Variants in RIMOC1 observed in about 807,000 individuals in gnomAD.
RIMOC1 encodes the protein RAB7A interacting MON1-CCZ1 complex subunit 1.
chr5:41,912,286 T>A, the RIMOC1 span: 1 of 697,976 alleles, frequency 1.4e-6, no homozygotes, highest in Non-Finnish European at 2.5e-6. Context: ...TCAAGGTAGA[T>A]TATAGACAAA....
the RIMOC1 span, chr5:41,904,369 T>G: frequency 3.7e-6 from 6 of 1,613,070 alleles, no homozygotes; most frequent in Non-Finnish European, 5.1e-6. Context: ...ATTGTGGCCA[T>G]GGCGGCCGCA....
At chr5:41,915,586 G>A in the RIMOC1 span, among the ~76,000 whole-genome samples, 13 of 152,192 alleles carry the variant, frequency 8.5e-5, no homozygotes, top group African/African-American at 2.9e-4. Context: ...CATAATCATG[G>A]CAGAAGGCAG....
the RIMOC1 span, chr5:41,916,959 C>T: frequency 7.0e-7 from 1 of 1,429,462 alleles, no homozygotes; most frequent in African/African-American, 1.4e-5. Context: ...TAGTTAATAA[C>T]TACGGTTTCT....
chr5:41,909,806 G>C, the RIMOC1 span: 25 of 1,592,398 alleles, frequency 1.6e-5, no homozygotes, highest in Non-Finnish European at 2.0e-5. Flanking sequence ...TTTTCCTGAA[G>C]ACTCTTCTTC....
At chr5:41,906,476 C>T in the RIMOC1 span, among the ~76,000 whole-genome samples, 1 of 152,142 alleles carries the variant, frequency 6.6e-6, no homozygotes, top group African/African-American at 2.4e-5. Context: ...CAAATCTTTA[C>T]ATTGAAAATA....
the RIMOC1 span, chr5:41,918,169 G>A: frequency 1.0e-6 from 1 of 985,744 alleles, no homozygotes; most frequent in East Asian, 1.1e-4. Flanking sequence ...TGATCTTTCT[G>A]ATACCTTGCT....
the RIMOC1 span, among the ~76,000 whole-genome samples, chr5:41,909,312 C>G: frequency 3.3e-5 from 5 of 152,180 alleles, no homozygotes; most frequent in African/African-American, 1.2e-4. Flanking sequence ...ACATACGCCC[C>G]TCACGCTGGC....
chr5:41,907,595 A>G, the RIMOC1 span: 1 of 544,794 alleles, frequency 1.8e-6, no homozygotes, highest in Admixed American at 3.7e-5. Flanking sequence ...TTTAGATAAG[A>G]TATTATTACT....
At chr5:41,910,703 T>C in the RIMOC1 span, among the ~76,000 whole-genome samples, 1 of 152,228 alleles carries the variant, frequency 6.6e-6, no homozygotes, top group African/African-American at 2.4e-5. Context: ...GTAGTAGAAA[T>C]AGATATGATC....
At chr5:41,911,925 A>AT in the RIMOC1 span, 1 of 639,228 alleles carries the variant, frequency 1.6e-6, no homozygotes, top group Non-Finnish European at 2.8e-6. Context: ...GTGGGTCTTT[A>AT]TACCATTGAA....
the RIMOC1 span, among the ~76,000 whole-genome samples, chr5:41,905,311 G>A: frequency 1.3e-5 from 2 of 152,156 alleles, no homozygotes; most frequent in Non-Finnish European, 2.9e-5. Context: ...AATATTTTTT[G>A]CCAGATTATC....
the RIMOC1 span, among the ~76,000 whole-genome samples, chr5:41,910,215 G>A: frequency 1.5e-3 from 234 of 151,758 alleles, no homozygotes; most frequent in Non-Finnish European, 3.0e-3. Context: ...TAATTACCAC[G>A]TCTGTTCTTA....
the RIMOC1 span, chr5:41,912,240 G>A: frequency 1.4e-5 from 15 of 1,060,132 alleles, no homozygotes; most frequent in Non-Finnish European, 2.0e-5. Flanking sequence ...AAGATTTTAG[G>A]AAGTTTGTTA....
chr5:41,906,490 C>G, the RIMOC1 span, among the ~76,000 whole-genome samples: 6 of 152,130 alleles, frequency 3.9e-5, no homozygotes, highest in African/African-American at 1.4e-4. Context: ...GAAAATAATC[C>G]TGCAAGTTAA....
chr5:41,918,560 T>G, the RIMOC1 span: 1 of 985,442 alleles, frequency 1.0e-6, no homozygotes. Flanking sequence ...TTAATCCTAT[T>G]TATTATCTAC....
At chr5:41,909,941 C>G in the RIMOC1 span, 1 of 1,414,472 alleles carries the variant, frequency 7.1e-7, no homozygotes, top group South Asian at 1.4e-5. Context: ...CTGGTACTTG[C>G]TGTCCTGCTT....
chr5:41,912,592 T>A, the RIMOC1 span, among the ~76,000 whole-genome samples: 1 of 152,156 alleles, frequency 6.6e-6, no homozygotes, highest in South Asian at 2.1e-4. Context: ...GAAGCAGGCA[T>A]GTCTTAAATG....
chr5:41,918,345 C>A, the RIMOC1 span: 7 of 985,716 alleles, frequency 7.1e-6, no homozygotes, highest in Non-Finnish European at 8.4e-6. Context: ...TGACTTTTCT[C>A]TCCTTTATGC....
the RIMOC1 span, among the ~76,000 whole-genome samples, chr5:41,914,935 C>A: frequency 2.0e-5 from 3 of 151,986 alleles, no homozygotes; most frequent in African/African-American, 7.3e-5. Flanking sequence ...CTGAGTAATT[C>A]TTAGCATTTA....
Sources: allele counts gnomAD v4.1 joint callset (sites outside exome capture counted in the v4.1 genomes callset), GRCh38; gene constraint gnomAD v4.1.1; transcripts MANE v1.5; gene names NCBI Gene and HGNC (gene_info 2026-07-23, HGNC 2026-07-21).